The following PCDHB8 variants were observed in gnomAD, a reference collection of about 807,000 sequenced individuals.
The protein encoded by PCDHB8 is protocadherin beta-8.
For missense variants in PCDHB8, 836 were observed against 1,004.0 expected, an observed-to-expected ratio of 0.83 and a Z score of 2.26; for synonymous variants, 385 against 448.5, an observed-to-expected ratio of 0.86 and a Z score of 1.79.
chr5:141,179,988 C>G lies in PCDHB8; in HGVS notation c.1954C>G (p.Pro652Ala). 1.1e-5 allele frequency: 17 copies of G among 1,608,604 alleles called. No individual in the cohort carries two copies. Among genetic ancestry groups the G allele is most frequent in the Non-Finnish European group, 1.4e-5 (16 of 1,179,710 alleles). The change falls in exon 1 of 1, where the codon CCG becomes GCG. Residue 652 changes from proline to alanine, a missense_variant. Physicochemically the swap from Pro to Ala is conservative, Grantham distance 27 (BLOSUM62 -1). Coordinates refer to ENST00000239444, the MANE Select transcript of PCDHB8 (RefSeq NM_019120.5). ...GCTGGTCAAGGACAATGGCGAGCCT[C>G]CGTGCTCGGCCACCGCCACGCTGCA... ...VVLVKDNGEP[P>A]CSATATLHVL... is the part of the protein sequence containing the mutation.
chr5:141,178,843 T>C lies in PCDHB8; in HGVS notation c.809T>C (p.Val270Ala). The C allele has an allele frequency of 6.2e-7, 1 of 1,614,270 alleles. No individual in the cohort carries two copies. The highest frequency in any genetic ancestry group is 1.1e-5 in the South Asian group (1 of 91,084). ...GTTGTGAAGGTCTCTGCCACGGATG[T>C]AGACACAGGAGTCAACGGAGAGATT... The part of the protein sequence containing the change: ...FLVVKVSATD[V>A]DTGVNGEISY... Residue 270 changes from valine to alanine, a missense_variant, in exon 1 of 1, where the codon GTA (valine) becomes GCA (alanine). Physicochemically the swap from Val to Ala is moderately conservative, Grantham distance 64. Coordinates refer to ENST00000239444, the MANE Select transcript of PCDHB8 (RefSeq NM_019120.5).
chr5:141,179,934 C>T lies in PCDHB8; in HGVS notation c.1900C>T (p.Arg634Cys), dbSNP rs782519470. 4 of 1,608,782 alleles carry T rather than the reference C, an allele frequency of 2.5e-6. No individual in the cohort carries two copies. The highest frequency in any genetic ancestry group is 1.3e-5 in the African/African-American group (1 of 74,988). Reference protein sequence around the residue: ...EVRTARLLSERDAAKQRLVVL... With the variant: ...EVRTARLLSECDAAKQRLVVL... ...GCGCACCGCCAGGCTGCTGAGCGAGCGCGACGCGGCCAAGCAGAGGCTGGT... is the reference window on the plus strand; with the variant it reads ...GCGCACCGCCAGGCTGCTGAGCGAGTGCGACGCGGCCAAGCAGAGGCTGGT... The change falls in exon 1 of 1, where the codon CGC becomes TGC. Residue 634 changes from arginine (R) to cysteine (C), a missense_variant. Physicochemically the swap from Arg to Cys is radical, Grantham distance 180 (BLOSUM62 -3). Coordinates refer to ENST00000239444, the MANE Select transcript of PCDHB8 (RefSeq NM_019120.5).
At position 141,178,951 on chromosome 5, in the gene PCDHB8, A is replaced by T. The variant is rs1753457306; in HGVS notation, c.917A>T (p.Lys306Ile). 1.2e-6 allele frequency: 2 copies of T among 1,614,140 alleles called. No homozygotes were observed. Among genetic ancestry groups the T allele is most frequent in the Admixed American group, 1.7e-5 (1 of 60,010 alleles). The change falls in exon 1 of 1, where the codon AAA becomes ATA. Residue 306 changes from lysine (K) to isoleucine (I), a missense_variant. By Grantham distance (102) the Lys-to-Ile change is moderately radical. Transcript: ENST00000239444. The part of the protein sequence containing the change: ...DFLTGEIRLK[K>I]QLDFEKFQSY... ...TTGACAGGAGAAATTCGACTAAAGA[A>T]ACAACTTGATTTCGAAAAATTTCAG...
rs782299140 is a variant in PCDHB8 at position 141,180,249 on chromosome 5, G to T, written c.2215G>T (p.Asp739Tyr). The change falls in exon 1 of 1, where the codon GAC becomes TAC. Residue 739 changes from aspartate to tyrosine, a missense_variant. Transcript: ENST00000239444. ...PEGPFPGHLVDVRGTGSLSQN... is the reference protein window; with the variant it reads ...PEGPFPGHLVYVRGTGSLSQN... ...GGGCCCCTTTCCAGGGCATCTGGTG[G>T]ACGTGAGGGGCACCGGGAGCCTGTC... The T allele has an allele frequency of 5.6e-5, 90 of 1,613,604 alleles. No individual in the cohort carries two copies. The highest frequency in any genetic ancestry group is 5.9e-6 in the Non-Finnish European group (7 of 1,179,974).
Position 141,178,573 on chromosome 5 carries a change from G to C in PCDHB8, c.539G>C (p.Arg180Pro). The change falls in exon 1 of 1, where the codon CGG becomes CCG. Residue 180 changes from arginine (R) to proline (P), a missense_variant. Physicochemically the swap from Arg to Pro is moderately radical, Grantham distance 103 (BLOSUM62 -2). Coordinates refer to ENST00000239444, the MANE Select transcript of PCDHB8 (RefSeq NM_019120.5). The stretch of plus-strand genomic sequence containing the variant: ...ATAATCAGCCCCAACTCCTATTTTC[G>C]GGTCCTCACCCGCAAACGCAGTGAT... The part of the protein sequence containing the change: ...NYIISPNSYF[R>P]VLTRKRSDGR... The C allele has an allele frequency of 1.2e-6, 2 of 1,613,962 alleles. No individual in the cohort carries two copies. Among genetic ancestry groups the C allele is most frequent in the Non-Finnish European group, 1.7e-6 (2 of 1,180,018 alleles).
chr5:141,180,072 G>A lies in PCDHB8; in HGVS notation c.2038G>A (p.Ala680Thr), dbSNP rs1588355912. The change falls in exon 1 of 1, where the codon GCC becomes ACC. Residue 680 changes from alanine to threonine, a missense_variant. Transcript: ENST00000239444. ...CCTGCCGCTTCCGGAGGCTGCCCCA[G>A]CCCAGGGCCAGGCCGACTCTCTCAC... ...PYLPLPEAAP[A>T]QGQADSLTVY... 1 of 1,609,958 alleles carries A rather than the reference G, an allele frequency of 6.2e-7. No homozygotes were observed. The highest frequency in any genetic ancestry group is 1.7e-5 in the Admixed American group (1 of 60,026).
chr5:141,179,985 C>A lies in PCDHB8; in HGVS notation c.1951C>A (p.Pro651Thr). 1.2e-6 allele frequency: 2 copies of A among 1,608,592 alleles called. No homozygotes were observed. The highest frequency in any genetic ancestry group is 1.7e-6 in the Non-Finnish European group (2 of 1,179,704). ...LVVLVKDNGE[P>T]PCSATATLHV... ...GGTGCTGGTCAAGGACAATGGCGAGCCTCCGTGCTCGGCCACCGCCACGCT... is the reference window on the plus strand; with the variant it reads ...GGTGCTGGTCAAGGACAATGGCGAGACTCCGTGCTCGGCCACCGCCACGCT... Residue 651 changes from proline to threonine, a missense_variant, in exon 1 of 1, where the codon CCT becomes ACT. By Grantham distance (38) the Pro-to-Thr change is conservative (BLOSUM62 -1). Coordinates refer to ENST00000239444, the MANE Select transcript of PCDHB8 (RefSeq NM_019120.5).
rs1257491370 is a variant in PCDHB8, at chr5:141,180,475, C to G, written c.*35C>G. On this transcript the variant is annotated 3_prime_UTR_variant, in exon 1 of 1. Transcript: ENST00000239444. Reference sequence around the variant, plus strand: ...TATTATATATTTTAATTTTTATGATCAATTCAAAGGAATGGTTTTCTGTCA... The same window carrying G: ...TATTATATATTTTAATTTTTATGATGAATTCAAAGGAATGGTTTTCTGTCA... The G allele has an allele frequency of 7.3e-7, 1 of 1,376,822 alleles. No individual in the cohort carries two copies. The highest frequency in any genetic ancestry group is 1.6e-5 in the South Asian group (1 of 61,778). 85.3% of individuals were successfully genotyped at this position (1,376,822 alleles called of 1,614,324 possible).
At position 141,180,533 on chromosome 5, in the gene PCDHB8, G is replaced by T. The variant is rs1753538183; in HGVS notation, c.*93G>T. ...ATAAATTTTAAATTACACTACATTT[G>T]CCCATAGTATTTGTCTTGTTTTCAC... On this transcript the variant is annotated 3_prime_UTR_variant, in exon 1 of 1. Transcript: ENST00000239444. 1 of 984,028 alleles carries T rather than the reference G, an allele frequency of 1.0e-6. No individual in the cohort carries two copies. Among genetic ancestry groups the T allele is most frequent in the Non-Finnish European group, 1.4e-6 (1 of 695,562 alleles). The allele number at this position is 984,028 out of a possible 1,614,324, so 61.0% of individuals were successfully genotyped here.
rs1554281463 is a variant in PCDHB8, at chr5:141,179,949, C to T, written c.1915C>T (p.Gln639Ter). The T allele has an allele frequency of 2.5e-6, 4 of 1,608,870 alleles. No individual in the cohort carries two copies. The highest frequency in any genetic ancestry group is 2.5e-6 in the Non-Finnish European group (3 of 1,179,578). ...GCTGAGCGAGCGCGACGCGGCCAAG[C>T]AGAGGCTGGTGGTGCTGGTCAAGGA... ...RLLSERDAAKQRLVVLVKDNG... is the reference protein window; with the variant it reads ...RLLSERDAAK The change falls in exon 1 of 1, where the codon CAG becomes TAG. Residue 639 changes from glutamine (Q) to a stop codon, truncating the protein, a stop_gained. Coordinates refer to ENST00000239444, the MANE Select transcript of PCDHB8 (RefSeq NM_019120.5). LOFTEE classifies it low-confidence loss of function (END_TRUNC).
chr5:141,177,795 C>A lies in PCDHB8; in HGVS notation c.-240C>A, dbSNP rs539146495. The A allele has an allele frequency of 6.8e-5, 43 of 633,342 alleles. No homozygotes were observed. The African/African-American group carries it at 7.5e-4, about 11-fold the overall frequency. The allele number at this position is 633,342 out of a possible 1,614,324, so 39.2% of individuals were successfully genotyped here. ...GATCCTGTGAGGACCCGTGGTGGCGCTGCAGGATAAGAAGGCACAAACCAG... is the reference window on the plus strand; with the variant it reads ...GATCCTGTGAGGACCCGTGGTGGCGATGCAGGATAAGAAGGCACAAACCAG... On this transcript the variant is annotated 5_prime_UTR_variant, in exon 1 of 1. In the 5' UTR this introduces an upstream ATG that the reference lacks. Transcript: ENST00000239444.
chr5:141,178,462 T>A lies in PCDHB8; in HGVS notation c.428T>A (p.Val143Glu), dbSNP rs1465140668. The change falls in exon 1 of 1, where the codon GTA (valine) becomes GAA (glutamate). Residue 143 changes from valine (V) to glutamate (E), a missense_variant. Val to Glu is a moderately radical substitution (Grantham distance 121). Transcript: ENST00000239444. Reference sequence around the variant, plus strand: ...CTGGACAAACAAATGTTGGTGAAAGTATCAGAGAGCAGTCCTCCTGGGACT... The same window carrying A: ...CTGGACAAACAAATGTTGGTGAAAGAATCAGAGAGCAGTCCTCCTGGGACT... Reference protein sequence around the residue: ...VFLDKQMLVKVSESSPPGTAF... With the variant: ...VFLDKQMLVKESESSPPGTAF... The A allele has an allele frequency of 1.2e-6, 2 of 1,613,904 alleles. No homozygotes were observed. The highest frequency in any genetic ancestry group is 2.7e-5 in the African/African-American group (2 of 74,820).
chr5:141,180,074 C>T lies in PCDHB8; in HGVS notation c.2040C>T (p.Ala680=), dbSNP rs17844506. ...TGCCGCTTCCGGAGGCTGCCCCAGC[C>T]CAGGGCCAGGCCGACTCTCTCACCG... ...PYLPLPEAAP[A]QGQADSLTVY... is the part of the protein sequence containing the mutation. Residue 680 remains alanine (A), a synonymous_variant, in exon 1 of 1, where the codon GCC becomes GCT. Transcript: ENST00000239444. 6.2e-7 allele frequency: 1 copy of T among 1,610,030 alleles called. No homozygotes were observed. Among genetic ancestry groups the T allele is most frequent in the Non-Finnish European group, 8.5e-7 (1 of 1,179,862 alleles).
rs782696582 is a variant in PCDHB8, at chr5:141,178,852, G to A, written c.818G>A (p.Gly273Glu). 1.3e-5 allele frequency: 21 copies of A among 1,614,148 alleles called. No homozygotes were observed. In the South Asian group the frequency reaches 1.9e-4, roughly 14 times the overall value. The change falls in exon 1 of 1, where the codon GGA becomes GAA. Residue 273 changes from glycine to glutamate, a missense_variant. Physicochemically the swap from Gly to Glu is moderately conservative, Grantham distance 98. Transcript: ENST00000239444. ...GTCTCTGCCACGGATGTAGACACAG[G>A]AGTCAACGGAGAGATTTCCTATTCA... Reference protein sequence around the residue: ...VKVSATDVDTGVNGEISYSLF... With the variant: ...VKVSATDVDTEVNGEISYSLF...
chr5:141,178,193 G>A lies in PCDHB8; in HGVS notation c.159G>A (p.Leu53=), dbSNP rs545732779. ...TTGTCACCAATTTAGCAAAGGACCT[G>A]GGTCTGGAGCAGAGGGAATTCTCCA... is the stretch of plus-strand genomic sequence containing the variant. ...SSFVTNLAKD[L]GLEQREFSRR... The change falls in exon 1 of 1, where the codon CTG becomes CTA. Residue 53 remains leucine (L), a synonymous_variant. Coordinates refer to ENST00000239444, the MANE Select transcript of PCDHB8 (RefSeq NM_019120.5). 233 of 1,581,014 alleles carry A rather than the reference G, an allele frequency of 1.5e-4. No individual in the cohort carries two copies. The highest frequency in any genetic ancestry group is 1.4e-4 in the Non-Finnish European group (159 of 1,156,126).
Position 141,179,967 on chromosome 5 carries a change from G to T in PCDHB8, c.1933G>T (p.Val645Phe), listed in dbSNP as rs781872796. 1 of 1,608,670 alleles carries T rather than the reference G, an allele frequency of 6.2e-7. No individual in the cohort carries two copies. The highest frequency in any genetic ancestry group is 1.1e-5 in the South Asian group (1 of 90,980). ...GGCCAAGCAGAGGCTGGTGGTGCTG[G>T]TCAAGGACAATGGCGAGCCTCCGTG... ...DAAKQRLVVLVKDNGEPPCSA... is the reference protein window; with the variant it reads ...DAAKQRLVVLFKDNGEPPCSA... Residue 645 changes from valine (V) to phenylalanine (F), a missense_variant, in exon 1 of 1, where the codon GTC becomes TTC. Physicochemically the swap from Val to Phe is conservative, Grantham distance 50. Transcript: ENST00000239444.
rs1554281668 is a variant in PCDHB8, at chr5:141,180,261, A to G, written c.2227A>G (p.Thr743Ala). The G allele has an allele frequency of 6.2e-7, 1 of 1,613,726 alleles. No individual in the cohort carries two copies. The highest frequency in any genetic ancestry group is 8.5e-7 in the Non-Finnish European group (1 of 1,179,930). ...FPGHLVDVRG[T>A]GSLSQNYQYE... is the part of the protein sequence containing the mutation. ...AGGGCATCTGGTGGACGTGAGGGGC[A>G]CCGGGAGCCTGTCTCAGAACTATCA... The change falls in exon 1 of 1, where the codon ACC becomes GCC. Residue 743 changes from threonine (T) to alanine (A), a missense_variant. By Grantham distance (58) the Thr-to-Ala change is moderately conservative. Transcript: ENST00000239444.
chr5:141,177,976 C>T lies in PCDHB8; in HGVS notation c.-59C>T, dbSNP rs1753419450. ...CTGTAGAAAACCACAGCCTCAGATA[C>T]TGGGGACTTTACAGTCCCACAGAAC... On this transcript the variant is annotated 5_prime_UTR_variant, in exon 1 of 1. Transcript: ENST00000239444. The T allele has an allele frequency of 1.2e-6, 2 of 1,612,310 alleles. No individual in the cohort carries two copies. The highest frequency in any genetic ancestry group is 1.7e-6 in the Non-Finnish European group (2 of 1,179,092).
chr5:141,179,919 A>G lies in PCDHB8; in HGVS notation c.1885A>G (p.Arg629Gly). The change falls in exon 1 of 1, where the codon AGG (arginine) becomes GGG (glycine). Residue 629 changes from arginine (R) to glycine (G), a missense_variant. Physicochemically the swap from Arg to Gly is moderately radical, Grantham distance 125. Transcript: ENST00000239444. ...GCACAATGGCGAGGTGCGCACCGCC[A>G]GGCTGCTGAGCGAGCGCGACGCGGC... The part of the protein sequence containing the change: ...WAHNGEVRTA[R>G]LLSERDAAKQ... 1 of 1,609,152 alleles carries G rather than the reference A, an allele frequency of 6.2e-7. No individual in the cohort carries two copies. The highest frequency in any genetic ancestry group is 8.5e-7 in the Non-Finnish European group (1 of 1,179,558).
Sources: allele counts gnomAD v4.1 joint callset, GRCh38; gene constraint gnomAD v4.1.1; transcripts MANE v1.5; gene names NCBI Gene and HGNC (gene_info 2026-07-23, HGNC 2026-07-21).